Variants in WDR31 observed in about 807,000 individuals in gnomAD.
WDR31 encodes WD repeat-containing protein 31.
A neutral mutation model predicts 47.3 loss-of-function variants in WDR31; 30 were observed. That is an observed-to-expected ratio of 0.63 (90% CI 0.47 to 0.86). The LOEUF is 0.86. Among genes scored for constraint, WDR31 ranks in the 40% least tolerant of loss-of-function variants. WDR31 has a pLI of 0.00. For missense variants in WDR31, 406 were observed against 442.9 expected (o/e 0.92, Z 0.75); for synonymous variants, 137 against 159.4 (o/e 0.86, Z 1.06).
chr9:113,316,909 G>A lies in WDR31; in HGVS notation c.944C>T (p.Ala315Val). ...KVKIWNQDTG[A>V]CLFTLSLDGS... ...ATCCAGAGACAAGGTGAAAAGGCAG[G>A]CTGGGGGGGAAAGGGGGACCAGCAG... The change falls in exon 11 of 11, where the codon GCC (alanine) becomes GTC (valine). Residue 315 changes from alanine (A) to valine (V), a missense_variant and splice_region_variant. Coordinates refer to ENST00000374193, the MANE Select transcript of WDR31 (RefSeq NM_001012361.4). 1.2e-6 allele frequency: 2 copies of A among 1,613,416 alleles called. No individual in the cohort carries two copies. Among genetic ancestry groups the A allele is most frequent in the Non-Finnish European group, 1.7e-6 (2 of 1,179,698 alleles).
rs2118793620 is a variant in WDR31 at position 113,322,838 on chromosome 9, C to A, written c.543G>T (p.Val181=). 1 of 1,614,154 alleles carries A rather than the reference C, an allele frequency of 6.2e-7. No homozygotes were observed. The highest frequency in any genetic ancestry group is 8.5e-7 in the Non-Finnish European group (1 of 1,180,024). Residue 181 remains valine, a synonymous_variant, in exon 7 of 11, where the codon GTG becomes GTT. Transcript: ENST00000374193. ...CGTTCCTGGAGACAGATGCTCTTTC[C>A]ACACTCTGTCCTGTCACCACATCCC... The part of the protein sequence containing the change: ...LLWDVVTGQS[V]ERASVSRNVV...
At chr9:113,321,128 G>T (rs531711031) in intron 8 of WDR31, among the ~76,000 whole-genome samples, 1 of 152,222 alleles carries the variant, frequency 6.6e-6, no homozygotes, top group Non-Finnish European at 1.5e-5. Context: ...GAGGGCTTCA[G>T]CTGAAGGCTG....
chr9:113,314,974 G>A lies in WDR31; in HGVS notation c.*1775C>T, dbSNP rs1192819722. On this transcript the variant is annotated 3_prime_UTR_variant, in exon 11 of 11. Coordinates refer to ENST00000374193, the MANE Select transcript of WDR31 (RefSeq NM_001012361.4). ...TCAGAACAGCCCTGTGGCGAGGTATGATCATGAAACCCACGTTATAAAGTG... is the reference window on the plus strand; with the variant it reads ...TCAGAACAGCCCTGTGGCGAGGTATAATCATGAAACCCACGTTATAAAGTG... 2 of 152,178 alleles carry A rather than the reference G, an allele frequency of 1.3e-5. No individual in the cohort carries two copies. Among genetic ancestry groups the A allele is most frequent in the East Asian group, 3.9e-4 (2 of 5,188 alleles). The allele number at this position is 152,178 out of a possible 1,614,324, so 9.4% of individuals were successfully genotyped here.
rs1015073508 is a variant in WDR31 at position 113,340,268 on chromosome 9, G to C, written c.-233C>G. The C allele has an allele frequency of 9.2e-5, 14 of 152,252 alleles. No individual in the cohort carries two copies. The highest frequency in any genetic ancestry group is 2.6e-4 in the Admixed American group (4 of 15,272). The allele number at this position is 152,252 out of a possible 1,614,324, so 9.4% of individuals were successfully genotyped here. A position where few individuals can be genotyped will look rare whatever the true frequency, so the allele number is the denominator to read the frequency against. On this transcript the variant is annotated 5_prime_UTR_variant, in exon 1 of 11. Transcript: ENST00000374193. ...GCCGGCGGGAACGCGGAGCCTGGGG[G>C]TGGGAACAGCCTCCGAGCCCTCCCG... is the stretch of plus-strand genomic sequence containing the variant.
chr9:113,319,303 C>T (rs780124699), intron 9 of WDR31, among the ~76,000 whole-genome samples: 5 of 152,116 alleles, frequency 3.3e-5, no homozygotes, highest in Non-Finnish European at 5.9e-5. Flanking sequence ...GCATGTTATC[C>T]AGGGAATAGC....
Position 113,332,037 on chromosome 9 carries a change from G to A in WDR31, c.-15C>T, listed in dbSNP as rs1833609943. 3.1e-6 allele frequency: 5 copies of A among 1,607,398 alleles called. No homozygotes were observed. Among genetic ancestry groups the A allele is most frequent in the Non-Finnish European group, 4.3e-6 (5 of 1,174,116 alleles). On this transcript the variant is annotated 5_prime_UTR_variant, in exon 3 of 11. Coordinates refer to ENST00000374193, the MANE Select transcript of WDR31 (RefSeq NM_001012361.4). ...AGTAGCAGCATCCCTTGTGGCTGCT[G>A]GAAGTTGTGTTCCCTGTTTAATAAA...
chr9:113,337,948 G>A lies in WDR31; in HGVS notation c.-181-1508C>T, dbSNP rs568797336. On this transcript the variant is annotated intron_variant, in intron 1 of 10. Coordinates refer to ENST00000374193, the MANE Select transcript of WDR31 (RefSeq NM_001012361.4). ...AAGTGAGGCACAGAGATATCAAATA[G>A]TTTGCTCAAGTTTATACTGCAAATA... Among the ~76,000 whole-genome samples, 7 of 152,304 alleles carry A rather than the reference G, an allele frequency of 4.6e-5. No individual in the cohort carries two copies. In the South Asian group the frequency reaches 1.5e-3, roughly 32 times the overall value.
intron 7 of WDR31, among the ~76,000 whole-genome samples, chr9:113,322,573 A>G (rs1833347916): frequency 6.6e-6 from 1 of 152,208 alleles, no homozygotes; most frequent in Admixed American, 6.5e-5. Context: ...AGAAATAATG[A>G]AGACACCATT....
rs1009383481 is a variant in WDR31 at position 113,316,780 on chromosome 9, C to T, written c.1073G>A (p.Gly358Glu). 7 of 1,614,042 alleles carry T rather than the reference C, an allele frequency of 4.3e-6. No homozygotes were observed. The South Asian group carries it at 6.6e-5, about 15-fold the overall frequency. ...IHLLRMDHSQ[G>E]LELQEVAAF Reference sequence around the variant, plus strand: ...TGCTGCCACTTCCTGCAGTTCCAGCCCTTGGCTGTGGTCCATTCTGAGTAA... The same window carrying T: ...TGCTGCCACTTCCTGCAGTTCCAGCTCTTGGCTGTGGTCCATTCTGAGTAA... Residue 358 changes from glycine (G) to glutamate (E), a missense_variant, in exon 11 of 11, where the codon GGG becomes GAG. Gly to Glu is a moderately conservative substitution (Grantham distance 98). Transcript: ENST00000374193.
Position 113,323,132 on chromosome 9 carries a change from G to A in WDR31, c.348C>T (p.Ser116=), listed in dbSNP as rs757025362. 2.5e-6 allele frequency: 4 copies of A among 1,613,852 alleles called. No individual in the cohort carries two copies. The African/African-American group carries it at 5.3e-5, about 22-fold the overall frequency. The change falls in exon 6 of 11, where the codon AGC becomes AGT. Residue 116 remains serine (S), a synonymous_variant. Coordinates refer to ENST00000374193, the MANE Select transcript of WDR31 (RefSeq NM_001012361.4). ...ITKVACIPKS[S]QFFSASRDRM... is the part of the protein sequence containing the mutation. ...TGTCACGAGAGGCACTGAAGAACTG[G>A]CTGGATTTGGGAATACAGGCTACCT...
At chr9:113,332,948 G>A (rs762269319) in intron 2 of WDR31, among the ~76,000 whole-genome samples, 13 of 152,150 alleles carry the variant, frequency 8.5e-5, no homozygotes, top group Non-Finnish European at 1.8e-4. Context: ...TCTTGCCAAG[G>A]GATGCCTGCT....
chr9:113,339,429 C>G (rs1833782732), intron 1 of WDR31, among the ~76,000 whole-genome samples: 1 of 152,182 alleles, frequency 6.6e-6, no homozygotes, highest in African/African-American at 2.4e-5. Context: ...ACACTTCTGT[C>G]TTACACTCTG....
intron 10 of WDR31, among the ~76,000 whole-genome samples, chr9:113,318,131 A>G (rs1423222986): frequency 6.6e-6 from 1 of 152,222 alleles, no homozygotes; most frequent in Non-Finnish European, 1.5e-5. Flanking sequence ...TACCCTCACC[A>G]AGAGCTGGGG....
At chr9:113,339,650 G>A (rs938993031) in intron 1 of WDR31, among the ~76,000 whole-genome samples, 1 of 152,210 alleles carries the variant, frequency 6.6e-6, no homozygotes, top group Non-Finnish European at 1.5e-5. Flanking sequence ...GGGACGACTT[G>A]TGTGCAGTTT....
At chr9:113,330,017 T>G (rs955514754) in intron 4 of WDR31, among the ~76,000 whole-genome samples, 1 of 152,166 alleles carries the variant, frequency 6.6e-6, no homozygotes, top group Non-Finnish European at 1.5e-5. Context: ...AAATAAAATG[T>G]GAAAACATGC....
At chr9:113,320,558 T>C (rs1467459819) in intron 8 of WDR31, 60 bp from the exon 9 acceptor site, 1 of 1,573,250 alleles carries the variant, frequency 6.4e-7, no homozygotes, top group Non-Finnish European at 8.6e-7. Context: ...TACACCCGTA[T>C]TGTCCCACTA....
intron 10 of WDR31, 116 bp downstream of exon 10, chr9:113,318,359 G>GTC (rs1833253296): frequency 8.3e-7 from 1 of 1,201,188 alleles, no homozygotes; most frequent in Admixed American, 1.8e-5. Flanking sequence ...GCATGAGACT[G>GTC]GACAGTGGCA....
chr9:113,318,094 C>A (rs569204734), intron 10 of WDR31, among the ~76,000 whole-genome samples: 1 of 152,214 alleles, frequency 6.6e-6, no homozygotes, highest in Non-Finnish European at 1.5e-5. Flanking sequence ...AGGGCAGAGA[C>A]TTTCTGAAAG....
intron 9 of WDR31, among the ~76,000 whole-genome samples, chr9:113,319,329 T>C (rs1292840369): frequency 6.6e-6 from 1 of 152,174 alleles, no homozygotes; most frequent in Non-Finnish European, 1.5e-5. Flanking sequence ...GAGCTGGAAA[T>C]GTTTCACTTA....
Sources: gnomAD v4.1 joint callset for allele counts (sites outside exome capture counted in the v4.1 genomes callset) on GRCh38, gnomAD v4.1.1 for gene constraint, MANE v1.5 for transcripts, NCBI Gene and HGNC (gene_info 2026-07-23, HGNC 2026-07-21) for gene names.